SC5D: variants seen among roughly 807,000 people sequenced by gnomAD.
SC5D encodes sterol-C5-desaturase.
Under a neutral mutation model 23.9 loss-of-function variants are expected in SC5D, and 21 were observed. That is an observed-to-expected ratio of 0.88 (90% CI 0.62 to 1.26). The LOEUF (loss-of-function observed/expected upper bound fraction) is 1.26. Among genes scored for constraint, SC5D ranks in the 50% most tolerant of loss-of-function variants. The pLI, the probability that SC5D is intolerant of heterozygous loss-of-function variation, is 0.00. For synonymous variants in SC5D, 113 were observed against 125.9 expected, an observed-to-expected ratio of 0.90 and a Z score of 0.68; for missense variants, 309 against 364.8, an observed-to-expected ratio of 0.85 and a Z score of 1.25.
chr11:121,298,682 C>T (rs1947906013), intron 1 of SC5D, among the ~76,000 whole-genome samples: 1 of 152,106 alleles, frequency 6.6e-6, no homozygotes, highest in Non-Finnish European at 1.5e-5. Flanking sequence ...GTGATGGGGA[C>T]ATTGCTGAAA....
At chr11:121,293,972 T>C (rs1026335536) in intron 1 of SC5D, among the ~76,000 whole-genome samples, 1 of 152,182 alleles carries the variant, frequency 6.6e-6, no homozygotes, top group Non-Finnish European at 1.5e-5. Flanking sequence ...TCCCTATCTA[T>C]AAAGTGGGGA....
chr11:121,308,753 G>A lies in SC5D; in HGVS notation c.*1241G>A, dbSNP rs1006749681. The A allele has an allele frequency of 4.6e-5, 7 of 152,636 alleles. No homozygotes were observed. The highest frequency in any genetic ancestry group is 1.7e-4 in the African/African-American group (7 of 41,448). The allele number at this position is 152,636 out of a possible 1,614,324, so 9.5% of individuals were successfully genotyped here. A position where few individuals can be genotyped will look rare whatever the true frequency, so the allele number is the denominator to read the frequency against. On this transcript the variant is annotated 3_prime_UTR_variant, in exon 5 of 5. Transcript: ENST00000264027. ...GTTTTAGAACATCCCCGGACACTCA[G>A]TGTCACAGGGGGAAAGAAGTGGGTA...
chr11:121,306,618 G>A lies in SC5D; in HGVS notation c.444+132G>A, dbSNP rs774533330. 13 of 704,610 alleles carry A rather than the reference G, an allele frequency of 1.8e-5. 1 individual carries two copies. The South Asian group carries it at 1.9e-4, about 11-fold the overall frequency. The allele number at this position is 704,610 out of a possible 1,614,324, so 43.6% of individuals were successfully genotyped here. On this transcript the variant is annotated intron_variant, in intron 4 of 4. Coordinates refer to ENST00000264027, the MANE Select transcript of SC5D (RefSeq NM_006918.5). ...GTCTAAGTAGCCATAATCATAACAGGTACAGGGTGCATTTTGTTCATATTC... is the reference window on the plus strand; with the variant it reads ...GTCTAAGTAGCCATAATCATAACAGATACAGGGTGCATTTTGTTCATATTC...
At chr11:121,305,258 G>C (rs1053414488) in intron 3 of SC5D, 7 of 150,726 alleles carry the variant, frequency 4.6e-5, no homozygotes, top group Admixed American at 2.0e-4. Context: ...ACAGTTCTCA[G>C]CTCTTCACAA....
intron 1 of SC5D, among the ~76,000 whole-genome samples, chr11:121,301,982 G>A (rs1419178217): frequency 6.6e-6 from 1 of 152,160 alleles, no homozygotes; most frequent in Admixed American, 6.5e-5. Flanking sequence ...TGGTCACCCA[G>A]AGAGGTGGAA....
At chr11:121,303,692 A>G (rs1947942247) in intron 2 of SC5D, 107 bp downstream of exon 2, 24 of 906,412 alleles carry the variant, frequency 2.6e-5, no homozygotes, top group Non-Finnish European at 3.9e-5. Context: ...ATTAAATAAA[A>G]TTTTGGAGAC....
chr11:121,295,394 G>A (rs905379206), intron 1 of SC5D, among the ~76,000 whole-genome samples: 2 of 152,192 alleles, frequency 1.3e-5, no homozygotes, highest in African/African-American at 4.8e-5. Context: ...ATTATTTTGA[G>A]TCCTTGATTA....
intron 4 of SC5D, 148 bp downstream of exon 4, chr11:121,306,634 G>T (rs1410860253): frequency 1.1e-5 from 8 of 698,852 alleles, no homozygotes; most frequent in Non-Finnish European, 1.8e-5. Context: ...GGTGCATTTT[G>T]TTCATATTCT....
intron 2 of SC5D, 126 bp downstream of exon 2, chr11:121,303,711 A>G (rs1393050366): frequency 8.6e-6 from 6 of 694,262 alleles, no homozygotes; most frequent in African/African-American, 5.4e-5. Context: ...ACCAACCACA[A>G]ATGGGTTAGA....
Position 121,312,001 on chromosome 11 carries a change from G to A in SC5D, c.*4489G>A, listed in dbSNP as rs1312200089. Among the ~76,000 whole-genome samples the A allele has an allele frequency of 1.3e-5, 2 of 152,126 alleles. No individual in the cohort carries two copies. ...AAATCGTATAAGTAAAACTAACATC[G>A]TTAACATTATTTACTGTAAGTTATC... On this transcript the variant is annotated 3_prime_UTR_variant, in exon 5 of 5. Coordinates refer to ENST00000264027, the MANE Select transcript of SC5D (RefSeq NM_006918.5).
intron 3 of SC5D, chr11:121,304,817 A>C (rs1947952224): frequency 3.5e-6 from 1 of 286,016 alleles, no homozygotes; most frequent in Non-Finnish European, 6.8e-6. Flanking sequence ...TCATTGCTGA[A>C]AGTTAAAAAC....
At position 121,307,465 on chromosome 11, in the gene SC5D, T is replaced by C. The variant is rs914640787; in HGVS notation, c.853T>C (p.Cys285Arg). The part of the protein sequence containing the change: ...GKRSSHSGNG[C>R]KNEKLFNGEF... ...GCGCAGCAGCCATTCAGGAAATGGCTGTAAGAATGAAAAATTATTCAATGG... is the reference window on the plus strand; with the variant it reads ...GCGCAGCAGCCATTCAGGAAATGGCCGTAAGAATGAAAAATTATTCAATGG... Residue 285 changes from cysteine (C) to arginine (R), a missense_variant, in exon 5 of 5, where the codon TGT becomes CGT. By Grantham distance (180) the Cys-to-Arg change is radical. Coordinates refer to ENST00000264027, the MANE Select transcript of SC5D (RefSeq NM_006918.5). 1 of 1,608,324 alleles carries C rather than the reference T, an allele frequency of 6.2e-7. No homozygotes were observed. The highest frequency in any genetic ancestry group is 8.5e-7 in the Non-Finnish European group (1 of 1,178,144).
intron 1 of SC5D, among the ~76,000 whole-genome samples, chr11:121,293,465 G>A (rs1197343543): frequency 1.3e-5 from 2 of 152,196 alleles, no homozygotes; most frequent in East Asian, 3.8e-4. Flanking sequence ...TGAAGGGACA[G>A]CAATCTGGGG....
At chr11:121,300,055 C>G (rs778587075) in intron 1 of SC5D, among the ~76,000 whole-genome samples, 3 of 152,110 alleles carry the variant, frequency 2.0e-5, no homozygotes, top group Admixed American at 6.5e-5. Flanking sequence ...GGTAGTAGAC[C>G]TGTATTATAA....
chr11:121,303,734 G>C, intron 2 of SC5D, 149 bp downstream of exon 2: 1 of 628,308 alleles, frequency 1.6e-6, no homozygotes, highest in Non-Finnish European at 2.8e-6. Flanking sequence ...TTTTCATGAG[G>C]GTTAATCCCT....
At position 121,310,944 on chromosome 11, in the gene SC5D, C is replaced by A. The variant is rs1164484340; in HGVS notation, c.*3432C>A. On this transcript the variant is annotated 3_prime_UTR_variant, in exon 5 of 5. Coordinates refer to ENST00000264027, the MANE Select transcript of SC5D (RefSeq NM_006918.5). ...TTGAAGATACTTTGTTAAGGCAGTACAAATGGACTAAGACAAGGGGGAAGA... is the reference window on the plus strand; with the variant it reads ...TTGAAGATACTTTGTTAAGGCAGTAAAAATGGACTAAGACAAGGGGGAAGA... 6.6e-6 allele frequency among the ~76,000 whole-genome samples: 1 copy of A among 152,320 alleles called. No homozygotes were observed. Among genetic ancestry groups the A allele is most frequent in the East Asian group, 1.9e-4 (1 of 5,194 alleles).
At chr11:121,301,721 T>TC (rs1483825138) in intron 1 of SC5D, among the ~76,000 whole-genome samples, 2 of 152,128 alleles carry the variant, frequency 1.3e-5, no homozygotes, top group African/African-American at 4.8e-5. Flanking sequence ...AACTAGTCAA[T>TC]CATATACTTT....
rs557783430 is a variant in SC5D at position 121,301,652 on chromosome 11, C to G, written c.-10-1714C>G. Among the ~76,000 whole-genome samples the G allele has an allele frequency of 3.9e-5, 6 of 152,202 alleles. No individual in the cohort carries two copies. In the Middle Eastern group the frequency reaches 0.014, roughly 345 times the overall value. On this transcript the variant is annotated intron_variant, in intron 1 of 4. Coordinates refer to ENST00000264027, the MANE Select transcript of SC5D (RefSeq NM_006918.5). The stretch of plus-strand genomic sequence containing the variant: ...AGGGTTGGGGTTTATTTTTGGGGTG[C>G]TGAAAATGTTCTGAAACTTGATAGT...
chr11:121,303,814 T>G, intron 2 of SC5D: 1 of 472,940 alleles, frequency 2.1e-6, no homozygotes, highest in Non-Finnish European at 3.8e-6. Flanking sequence ...CGTATCTTGC[T>G]AGATGCATAT....
Sources: allele counts gnomAD v4.1 joint callset (sites outside exome capture counted in the v4.1 genomes callset), GRCh38; gene constraint gnomAD v4.1.1; transcripts MANE v1.5; gene names NCBI Gene and HGNC (gene_info 2026-07-23, HGNC 2026-07-21).